Variants in RBMS3 observed in about 807,000 individuals in gnomAD.
RBMS3 encodes the protein RNA-binding motif, single-stranded-interacting protein 3.
RBMS3 carries 27 observed loss-of-function variants against 66.8 expected under a neutral mutation model. That is an observed-to-expected ratio of 0.40 (90% CI 0.30 to 0.56). The LOEUF (loss-of-function observed/expected upper bound fraction) is 0.56. RBMS3 is among the 20% of genes least tolerant of loss of function. The pLI is 0.40. For synonymous variants in RBMS3, 188 were observed against 183.0 expected (o/e 1.03, Z -0.22); for missense variants, 513 against 549.5 (o/e 0.93, Z 0.66).
chr3:29,995,000 A>C (rs1299695970), intron 14 of RBMS3, among the ~76,000 whole-genome samples: 1 of 152,208 alleles, frequency 6.6e-6, no homozygotes, highest in Non-Finnish European at 1.5e-5. Flanking sequence ...ATTCAAACCA[A>C]AGGCAAAGAA....
In RBMS3 at chr3:29,816,660, T is replaced by C. The variant is rs190837981; in HGVS notation, c.638-52198T>C. Among the ~76,000 whole-genome samples, 22 of 152,276 alleles carry C rather than the reference T, an allele frequency of 1.4e-4. 2 individuals carry two copies. The East Asian group carries it at 4.1e-3, about 28-fold the overall frequency. The stretch of plus-strand genomic sequence containing the variant: ...AATATATTATTATCGAGGCTTATAA[T>C]GTGAAGTTCTTTACATTTTTGCATA... On this transcript the variant is annotated intron_variant, in intron 6 of 14. Transcript: ENST00000383767.
intron 10 of RBMS3, among the ~76,000 whole-genome samples, chr3:29,921,880 TC>T (rs2060789947): frequency 6.6e-6 from 1 of 152,184 alleles, no homozygotes; most frequent in Admixed American, 6.5e-5. Context: ...TCAGGCTTAT[TC>T]CTGGGGACCC....
chr3:29,963,571 T>TAA (rs1696623296), intron 12 of RBMS3, among the ~76,000 whole-genome samples: 1 of 152,306 alleles, frequency 6.6e-6, no homozygotes, highest in South Asian at 2.1e-4. Context: ...CTCATGCCTG[T>TAA]AATCCCAGCA....
chr3:29,556,240 T>C (rs2046358448), intron 3 of RBMS3: 1 of 152,236 alleles, frequency 6.6e-6, no homozygotes. Flanking sequence ...AGGCAGGAGT[T>C]AACTACCTTT....
chr3:29,307,142 T>C (rs552092139), intron 1 of RBMS3, among the ~76,000 whole-genome samples: 1 of 152,028 alleles, frequency 6.6e-6, no homozygotes, highest in African/African-American at 2.4e-5. Flanking sequence ...CAGGCAGCTT[T>C]AATTCTGTCC....
chr3:29,912,206 G>A (rs532826160), intron 10 of RBMS3, among the ~76,000 whole-genome samples: 9 of 152,004 alleles, frequency 5.9e-5, no homozygotes, highest in South Asian at 2.1e-4. Flanking sequence ...CATATAGTTC[G>A]CAATATTTCT....
At chr3:29,709,099 G>T (rs1427209564) in intron 4 of RBMS3, among the ~76,000 whole-genome samples, 1 of 152,136 alleles carries the variant, frequency 6.6e-6, no homozygotes, top group Non-Finnish European at 1.5e-5. Context: ...GTTCACTCCT[G>T]CTTCCTTACG....
At chr3:29,663,878 G>T (rs1426789196) in intron 4 of RBMS3, among the ~76,000 whole-genome samples, 2 of 152,188 alleles carry the variant, frequency 1.3e-5, no homozygotes, top group Admixed American at 6.5e-5. Flanking sequence ...CTTGAACAGT[G>T]CCTGGAGGAG....
intron 6 of RBMS3, among the ~76,000 whole-genome samples, chr3:29,768,488 T>C (rs1363733713): frequency 6.6e-6 from 1 of 151,918 alleles, no homozygotes; most frequent in African/African-American, 2.4e-5. Context: ...ATAATTGAAA[T>C]GAGTTTTTTG....
At chr3:29,839,171 G>A (rs1395900129) in intron 6 of RBMS3, among the ~76,000 whole-genome samples, 1 of 152,050 alleles carries the variant, frequency 6.6e-6, no homozygotes, top group East Asian at 1.9e-4. Flanking sequence ...ATTTTAACTG[G>A]CCCCTGATGC....
At chr3:29,774,310 G>T (rs551684749) in intron 6 of RBMS3, among the ~76,000 whole-genome samples, 9 of 152,014 alleles carry the variant, frequency 5.9e-5, no homozygotes, top group African/African-American at 1.9e-4. Flanking sequence ...CCATTTAAAT[G>T]TTGATAAAGT....
chr3:29,337,466 C>G (rs1253615738), intron 1 of RBMS3, among the ~76,000 whole-genome samples: 1 of 151,874 alleles, frequency 6.6e-6, no homozygotes, highest in African/African-American at 2.4e-5. Context: ...TAATGAGACC[C>G]CATCTCTACA....
At chr3:29,982,620 T>A (rs1698071300) in intron 12 of RBMS3, among the ~76,000 whole-genome samples, 1 of 152,196 alleles carries the variant, frequency 6.6e-6, no homozygotes, top group Non-Finnish European at 1.5e-5. Context: ...GTTGTGTCTG[T>A]TCTCATTGGT....
At chr3:29,690,064 G>C (rs1455640170) in intron 4 of RBMS3, among the ~76,000 whole-genome samples, 1 of 150,204 alleles carries the variant, frequency 6.7e-6, no homozygotes, top group Non-Finnish European at 1.5e-5. Context: ...TATGTGGAAA[G>C]TATACATTTT....
intron 2 of RBMS3, among the ~76,000 whole-genome samples, chr3:29,474,946 G>C (rs2042893987): frequency 6.6e-6 from 1 of 152,162 alleles, no homozygotes; most frequent in African/African-American, 2.4e-5. Flanking sequence ...AGAATAGAAA[G>C]AGAATCTGAG....
At chr3:29,740,570 T>C (rs1413583272) in intron 5 of RBMS3, among the ~76,000 whole-genome samples, 3 of 152,240 alleles carry the variant, frequency 2.0e-5, no homozygotes, top group African/African-American at 7.2e-5. Flanking sequence ...CCTGCTGTGC[T>C]TTCATGAAAA....
chr3:29,847,650 T>A lies in RBMS3; in HGVS notation c.638-21208T>A, dbSNP rs192416866. 3.1e-3 allele frequency among the ~76,000 whole-genome samples: 470 copies of A among 152,110 alleles called. 2 individuals carry two copies. Among genetic ancestry groups the A allele is most frequent in the Middle Eastern group, 0.017 (5 of 294 alleles). ...CCACTCCAATTTTGTGTTTTATTTTTTTTTTTTTATTTTTTATTTTTTTGA... is the reference window on the plus strand; with the variant it reads ...CCACTCCAATTTTGTGTTTTATTTTATTTTTTTTATTTTTTATTTTTTTGA... On this transcript the variant is annotated intron_variant, in intron 6 of 14. Transcript: ENST00000383767.
chr3:29,363,338 C>T (rs560634225), intron 1 of RBMS3, among the ~76,000 whole-genome samples: 6 of 152,196 alleles, frequency 3.9e-5, no homozygotes, highest in Admixed American at 6.5e-5. Flanking sequence ...ATAATCATGA[C>T]GAGATCAGCA....
intron 1 of RBMS3, among the ~76,000 whole-genome samples, chr3:29,353,198 A>T (rs1003130892): frequency 6.6e-6 from 1 of 151,646 alleles, no homozygotes; most frequent in East Asian, 1.9e-4. Flanking sequence ...TCTTTCTCTT[A>T]TCTGATTGCA....
Sources: allele counts gnomAD v4.1 joint callset (sites outside exome capture counted in the v4.1 genomes callset), GRCh38; gene constraint gnomAD v4.1.1; transcripts MANE v1.5; gene names NCBI Gene and HGNC (gene_info 2026-07-23, HGNC 2026-07-21).